The following SYTL2 variants were observed in gnomAD, a reference collection of about 807,000 sequenced individuals.
SYTL2 encodes synaptotagmin like 2, also known as synaptotagmin-like protein 2.
Under a neutral mutation model 198.7 loss-of-function variants are expected in SYTL2, and 165 were observed. The ratio of observed to expected loss-of-function variants is 0.83; its 90% CI spans 0.73 to 0.94. The LOEUF (loss-of-function observed/expected upper bound fraction) is 0.94, where lower values mean the gene tolerates loss of function less well. Among genes scored for constraint, SYTL2 ranks in the 40% least tolerant of loss-of-function variants. The pLI, the probability that SYTL2 is intolerant of heterozygous loss-of-function variation, is 0.00. For missense variants in SYTL2, 2,835 were observed against 2,582.8 expected (o/e 1.10, Z -2.12); for synonymous variants, 966 against 917.7 (o/e 1.05, Z -0.95).
chr11:85,817,926 C>CAG, the SYTL2 span, among the ~76,000 whole-genome samples: 1 of 117,976 alleles, frequency 8.5e-6, no homozygotes, highest in Non-Finnish European at 1.6e-5. Flanking sequence ...TTTTTTGAGA[C>CAG]AGAGTCTCAC....
At position 85,727,842 on chromosome 11, in the gene SYTL2, G is replaced by A. The variant is rs747858100; in HGVS notation, c.1516C>T (p.Pro506Ser). 5 of 1,612,146 alleles carry A rather than the reference G, an allele frequency of 3.1e-6. No homozygotes were observed. The highest frequency in any genetic ancestry group is 3.3e-5 in the Admixed American group (2 of 59,704). Residue 506 changes from proline (P) to serine (S), a missense_variant, in exon 8 of 20, where the codon CCA becomes TCA. Pro to Ser is a moderately conservative substitution (Grantham distance 74). Coordinates refer to ENST00000359152, the MANE Select transcript of SYTL2 (RefSeq NM_206927.4). Reference sequence around the variant, plus strand: ...GACTTCTTTATCTCAGTGGCATATGGACCAGAACGTGAAGATGTCTTAGCT... The same window carrying A: ...GACTTCTTTATCTCAGTGGCATATGAACCAGAACGTGAAGATGTCTTAGCT... ...LKAKTSSRSG[P>S]YATEIKKSTD...
At chr11:85,721,321 A>G (rs1232487880) in intron 8 of SYTL2, among the ~76,000 whole-genome samples, 7 of 152,192 alleles carry the variant, frequency 4.6e-5, no homozygotes, top group African/African-American at 1.4e-4. Context: ...AAATACTTCT[A>G]GGAGCATTAA....
In SYTL2 at chr11:85,737,673, A is replaced by C; in HGVS notation, c.390-17T>G. ...ACACTGGAACTGCAAAAGAAACAAT[A>C]ATTCAGAGAATAAAACCTCACCTTT... On this transcript the variant is annotated splice_polypyrimidine_tract_variant and intron_variant, in intron 4 of 19. Coordinates refer to ENST00000359152, the MANE Select transcript of SYTL2 (RefSeq NM_206927.4). 3.1e-6 allele frequency: 5 copies of C among 1,601,068 alleles called. No individual in the cohort carries two copies. Among genetic ancestry groups the C allele is most frequent in the Non-Finnish European group, 4.3e-6 (5 of 1,168,890 alleles).
Position 85,700,681 on chromosome 11 carries a change from C to A in SYTL2, c.6190-88G>T, listed in dbSNP as rs908380473. The A allele has an allele frequency of 4.9e-5, 48 of 974,438 alleles. 1 individual carries two copies. The Middle Eastern group carries it at 8.5e-4, about 17-fold the overall frequency. The allele number at this position is 974,438 out of a possible 1,614,324, so 60.4% of individuals were successfully genotyped here. A position where few individuals can be genotyped will look rare whatever the true frequency, so the allele number is the denominator to read the frequency against. ...GTCTCATTACAGAACCATATCTGTCCCATTTCTGGGACCATGTGTCACTCA... is the reference window on the plus strand; with the variant it reads ...GTCTCATTACAGAACCATATCTGTCACATTTCTGGGACCATGTGTCACTCA... On this transcript the variant is annotated intron_variant, in intron 16 of 19. Coordinates refer to ENST00000359152, the MANE Select transcript of SYTL2 (RefSeq NM_206927.4).
intron 1 of SYTL2, among the ~76,000 whole-genome samples, chr11:85,796,157 T>C (rs1307845659): frequency 2.6e-5 from 4 of 152,192 alleles, no homozygotes; most frequent in African/African-American, 4.8e-5. Context: ...GGGCTTGAGC[T>C]TGAATTCCAG....
At chr11:85,743,625 T>C (rs1273216488) in intron 4 of SYTL2, among the ~76,000 whole-genome samples, 5 of 152,220 alleles carry the variant, frequency 3.3e-5, no homozygotes, top group Admixed American at 3.3e-4. Flanking sequence ...ACACAAGGAA[T>C]GCAGAAAATA....
At chr11:85,848,496 A>AT in the SYTL2 span, among the ~76,000 whole-genome samples, 88 of 148,348 alleles carry the variant, frequency 5.9e-4, 2 homozygotes, top group Admixed American at 4.7e-4. Flanking sequence ...GTGAAGCTTC[A>AT]TTTTTTTTTT....
chr11:85,814,996 C>T (rs564598722), upstream of SYTL2, among the ~76,000 whole-genome samples: 8 of 152,166 alleles, frequency 5.3e-5, no homozygotes, highest in Non-Finnish European at 1.0e-4. Flanking sequence ...GGATCTGCCA[C>T]CCCCTACTAG....
chr11:85,788,133 T>G (rs1430908341), intron 1 of SYTL2, among the ~76,000 whole-genome samples: 8 of 152,168 alleles, frequency 5.3e-5, no homozygotes, highest in African/African-American at 1.9e-4. Context: ...GGTCCAGTTT[T>G]TAAAGACTAT....
chr11:85,838,365 A>T, the SYTL2 span, among the ~76,000 whole-genome samples: 1 of 152,148 alleles, frequency 6.6e-6, no homozygotes, highest in Admixed American at 6.6e-5. Context: ...ATAGATATGG[A>T]TGTAGATATA....
rs1450706202 is a variant in SYTL2 at position 85,757,883 on chromosome 11, G to C, written c.-158C>G. 2.1e-5 allele frequency: 21 copies of C among 994,216 alleles called. No homozygotes were observed. The highest frequency in any genetic ancestry group is 2.9e-5 in the Non-Finnish European group (20 of 684,928). 61.6% of individuals were successfully genotyped at this position (994,216 alleles called of 1,614,324 possible). The stretch of plus-strand genomic sequence containing the variant: ...TTATTTTGGCTCAGCAAAAGTTTAG[G>C]GCAGCTGATAGCAAGATCCTAAGTG... On this transcript the variant is annotated 5_prime_UTR_variant, in exon 2 of 20. Transcript: ENST00000359152.
the SYTL2 span, among the ~76,000 whole-genome samples, chr11:85,839,673 C>T: frequency 1.3e-5 from 2 of 152,152 alleles, no homozygotes; most frequent in East Asian, 3.8e-4. Context: ...TTCTCTTTAT[C>T]CATTCATCTG....
At chr11:85,701,291 T>C (rs113689410) in intron 16 of SYTL2, among the ~76,000 whole-genome samples, 3,759 of 152,322 alleles carry the variant, frequency 0.025, 173 homozygotes, top group African/African-American at 0.086. Flanking sequence ...ATGTTTCATA[T>C]ACATCTTCTA....
the SYTL2 span, among the ~76,000 whole-genome samples, chr11:85,818,721 C>T: frequency 5.4e-5 from 8 of 148,644 alleles, no homozygotes; most frequent in African/African-American, 2.0e-4. Flanking sequence ...AAGACGGTCT[C>T]GCTCTATCAC....
the SYTL2 span, among the ~76,000 whole-genome samples, chr11:85,824,258 T>C: frequency 6.6e-6 from 1 of 152,084 alleles, no homozygotes; most frequent in Non-Finnish European, 1.5e-5. Context: ...CAGCTGACAT[T>C]AAACTACAGG....
chr11:85,739,934 C>T (rs2090658985), intron 4 of SYTL2, among the ~76,000 whole-genome samples: 1 of 152,184 alleles, frequency 6.6e-6, no homozygotes, highest in Non-Finnish European at 1.5e-5. Context: ...GAGACTCCCA[C>T]ATCTGTCTCT....
chr11:85,781,753 A>T (rs1231398874), intron 1 of SYTL2, among the ~76,000 whole-genome samples: 1 of 152,220 alleles, frequency 6.6e-6, no homozygotes, highest in Non-Finnish European at 1.5e-5. Flanking sequence ...CAAATCTTAA[A>T]GCTCCAAAAT....
rs112434924 is a variant in SYTL2, at chr11:85,694,987, T to C, written c.*208A>G. 2.4e-4 allele frequency: 99 copies of C among 407,292 alleles called. No individual in the cohort carries two copies. Among genetic ancestry groups the C allele is most frequent in the Non-Finnish European group, 3.4e-4 (80 of 233,436 alleles). 25.2% of individuals were successfully genotyped at this position (407,292 alleles called of 1,614,324 possible). A position where few individuals can be genotyped will look rare whatever the true frequency, so the allele number is the denominator to read the frequency against. On this transcript the variant is annotated 3_prime_UTR_variant, in exon 20 of 20. Coordinates refer to ENST00000359152, the MANE Select transcript of SYTL2 (RefSeq NM_206927.4). ...CTTGTTCAAATATCTTATTTAATATTAGAGTCACAAATTACACATTTTGTT... is the reference window on the plus strand; with the variant it reads ...CTTGTTCAAATATCTTATTTAATATCAGAGTCACAAATTACACATTTTGTT...
At chr11:85,805,562 G>A (rs1444514131) in intron 1 of SYTL2, among the ~76,000 whole-genome samples, 1 of 152,168 alleles carries the variant, frequency 6.6e-6, no homozygotes, top group Non-Finnish European at 1.5e-5. Flanking sequence ...TCAAAGCCCT[G>A]TGTTTTAATC....
Sources: allele counts gnomAD v4.1 joint callset (sites outside exome capture counted in the v4.1 genomes callset), GRCh38; gene constraint gnomAD v4.1.1; transcripts MANE v1.5; gene names NCBI Gene and HGNC (gene_info 2026-07-23, HGNC 2026-07-21).